COL22A1: variants seen among roughly 807,000 people sequenced by gnomAD.
COL22A1 encodes the protein collagen type XXII alpha 1 chain.
In COL22A1, 221 loss-of-function variants were observed where a neutral mutation model predicts 248.9. That is an observed-to-expected ratio of 0.89 (90% CI 0.80 to 0.99). COL22A1 has a LOEUF of 0.99. Among genes scored for constraint, COL22A1 ranks in the 50% least tolerant of loss-of-function variants. The pLI is 0.00. For synonymous variants in COL22A1, 891 were observed against 793.4 expected (o/e 1.12, Z -2.07); for missense variants, 2,240 against 2,179.0 (o/e 1.03, Z -0.56).
At chr8:138,870,848 T>G (rs901941449) in intron 3 of COL22A1, among the ~76,000 whole-genome samples, 6 of 151,522 alleles carry the variant, frequency 4.0e-5, no homozygotes, top group Admixed American at 6.6e-5. Flanking sequence ...GGTGTGTATG[T>G]GAGGGTGTGG....
At chr8:138,838,484 C>T (rs1365955899) in intron 4 of COL22A1, among the ~76,000 whole-genome samples, 2 of 152,170 alleles carry the variant, frequency 1.3e-5, no homozygotes, top group African/African-American at 2.4e-5. Flanking sequence ...AAATGGACAC[C>T]TTCATCTGCT....
Position 138,812,988 on chromosome 8 carries a change from T to C in COL22A1, c.1277A>G (p.Asp426Gly), listed in dbSNP as rs138056919. The change falls in exon 8 of 65, where the codon GAC becomes GGC. Residue 426 changes from aspartate (D) to glycine (G), a missense_variant. Asp to Gly is a moderately conservative substitution (Grantham distance 94). Transcript: ENST00000303045. ...AGTCTCCAATTCTGCGTGTCTCGAG[T>C]CACAATAGATCACAATCCGCTGTAG... ...FDLQRIVIYC[D>G]SRHAELETCC... 179 of 1,613,612 alleles carry C rather than the reference T, an allele frequency of 1.1e-4. No individual in the cohort carries two copies. Among genetic ancestry groups the C allele is most frequent in the Non-Finnish European group, 1.4e-4 (167 of 1,179,866 alleles).
intron 22 of COL22A1, among the ~76,000 whole-genome samples, chr8:138,745,122 A>G (rs1047256267): frequency 6.6e-6 from 1 of 152,174 alleles, no homozygotes; most frequent in African/African-American, 2.4e-5. Flanking sequence ...CAATGCTTCT[A>G]TAGACATTCC....
intron 3 of COL22A1, among the ~76,000 whole-genome samples, chr8:138,869,432 G>A (rs981062574): frequency 2.6e-5 from 4 of 152,170 alleles, no homozygotes; most frequent in African/African-American, 9.7e-5. Flanking sequence ...TGCGCTGACA[G>A]TGAAGTGTTT....
At chr8:138,594,359 C>T (rs144526158) in intron 62 of COL22A1, among the ~76,000 whole-genome samples, 160 bp from the exon 63 acceptor site, 34 of 151,648 alleles carry the variant, frequency 2.2e-4, no homozygotes, top group Non-Finnish European at 4.1e-4. Context: ...ACCAAGGGGC[C>T]GATAATAGCT....
At chr8:138,625,014 C>A (rs1005170363) in intron 51 of COL22A1, among the ~76,000 whole-genome samples, 2 of 152,190 alleles carry the variant, frequency 1.3e-5, no homozygotes, top group African/African-American at 4.8e-5. Context: ...AGGCATGCTT[C>A]AATGTTACGT....
At chr8:138,597,057 C>A in intron 61 of COL22A1, 87 bp from the exon 62 acceptor site, 1 of 1,091,148 alleles carries the variant, frequency 9.2e-7, no homozygotes, top group South Asian at 1.3e-5. Flanking sequence ...CCAGGAAGTT[C>A]GTAGGTGGTA....
chr8:138,885,628 C>A (rs1037577516), intron 1 of COL22A1, among the ~76,000 whole-genome samples: 3 of 152,100 alleles, frequency 2.0e-5, no homozygotes, highest in Admixed American at 6.5e-5. Flanking sequence ...GTTGCCCAGA[C>A]TGAAGGCTCA....
intron 27 of COL22A1, among the ~76,000 whole-genome samples, chr8:138,718,722 C>T (rs10110090): frequency 0.38 from 57,289 of 152,068 alleles, 11,233 homozygotes; most frequent in Middle Eastern, 0.44. Flanking sequence ...GCGTCATGAC[C>T]GGAGAAATTC....
At chr8:138,598,956 C>G in intron 60 of COL22A1, 58 bp from the exon 61 acceptor site, 1 of 1,564,152 alleles carries the variant, frequency 6.4e-7, no homozygotes, top group Non-Finnish European at 8.8e-7. Flanking sequence ...GTACCCCATG[C>G]AGCTGCAAAA....
At chr8:138,594,334 C>T in intron 62 of COL22A1, 135 bp from the exon 63 acceptor site, 2 of 699,802 alleles carry the variant, frequency 2.9e-6, no homozygotes, top group Non-Finnish European at 4.6e-6. Flanking sequence ...GATGGCTACT[C>T]ACTGACAACT....
chr8:138,617,028 T>A, intron 53 of COL22A1, 70 bp from the exon 54 acceptor site: 1 of 1,560,420 alleles, frequency 6.4e-7, no homozygotes, highest in Non-Finnish European at 8.8e-7. Context: ...CAGGCATACC[T>A]CCCTGCCGGC....
chr8:138,615,428 G>C (rs1458782367), intron 55 of COL22A1, among the ~76,000 whole-genome samples: 2 of 151,752 alleles, frequency 1.3e-5, no homozygotes, highest in Non-Finnish European at 2.9e-5. Context: ...TTACTCGGGA[G>C]GCTGAGACAG....
At chr8:138,594,462 A>C (rs1454182191) in intron 62 of COL22A1, among the ~76,000 whole-genome samples, 2 of 152,176 alleles carry the variant, frequency 1.3e-5, no homozygotes, top group Non-Finnish European at 2.9e-5. Context: ...TGACTTAATC[A>C]GTAGTGACCA....
intron 23 of COL22A1, among the ~76,000 whole-genome samples, chr8:138,734,639 C>A (rs568563127): frequency 6.6e-6 from 1 of 152,248 alleles, no homozygotes; most frequent in East Asian, 1.9e-4. Flanking sequence ...GATCTAGAAC[C>A]AGAAATACCA....
At chr8:138,713,883 G>A (rs575118691) in intron 30 of COL22A1, among the ~76,000 whole-genome samples, 1 of 152,256 alleles carries the variant, frequency 6.6e-6, no homozygotes, top group East Asian at 1.9e-4. Flanking sequence ...CACTATCCTG[G>A]GTGCTGGCTT....
chr8:138,621,275 G>A (rs778712817), intron 52 of COL22A1, among the ~76,000 whole-genome samples: 3 of 152,202 alleles, frequency 2.0e-5, no homozygotes, highest in African/African-American at 7.2e-5. Flanking sequence ...TTGAGGTGTG[G>A]AAGGCCCAAG....
chr8:138,778,341 G>A lies in COL22A1; in HGVS notation c.1758+12C>T, dbSNP rs543564866. The A allele has an allele frequency of 5.2e-5, 84 of 1,614,076 alleles. 1 individual carries two copies. In the South Asian group the frequency reaches 8.5e-4, roughly 16 times the overall value. On this transcript the variant is annotated intron_variant, in intron 15 of 64. Transcript: ENST00000303045. ...GGGTAGAACCCCTGCCCAGACAAGT[G>A]CCTTCACTTACAGGAGCTCCGACAC...
chr8:138,594,208 T>C lies in COL22A1; in HGVS notation c.4433-9A>G, dbSNP rs763685563. ...GAGGTAGGCGAGTCTGGCTGTAAAG[T>C]AGAAAAAGAGAGGCATTTCATGAAG... is the stretch of plus-strand genomic sequence containing the variant. On this transcript the variant is annotated splice_polypyrimidine_tract_variant and intron_variant, in intron 62 of 64. Transcript: ENST00000303045. 7.1e-6 allele frequency: 11 copies of C among 1,559,706 alleles called. No individual in the cohort carries two copies. The Admixed American group carries it at 8.6e-5, about 12-fold the overall frequency.
Sources: allele counts gnomAD v4.1 joint callset (sites outside exome capture counted in the v4.1 genomes callset), GRCh38; gene constraint gnomAD v4.1.1; transcripts MANE v1.5; gene names NCBI Gene and HGNC (gene_info 2026-07-23, HGNC 2026-07-21).